The following ANO2 variants were observed in gnomAD, a reference collection of about 807,000 sequenced individuals.
ANO2 encodes the protein anoctamin-2.
Under a neutral mutation model 124.2 loss-of-function variants are expected in ANO2, and 101 were observed. That is an observed-to-expected ratio of 0.81 (90% CI 0.69 to 0.96). The LOEUF (loss-of-function observed/expected upper bound fraction) is 0.96, where lower values mean the gene tolerates loss of function less well. Among genes scored for constraint, ANO2 ranks in the 40% least tolerant of loss-of-function variants. ANO2 has a pLI of 0.00. For missense variants in ANO2, 1,293 were observed against 1,274.5 expected (o/e 1.01, Z -0.22); for synonymous variants, 486 against 482.5 (o/e 1.01, Z -0.09).
At chr12:5,737,275 AAACCCAGTCTTGGCC>A (rs1266867106) in intron 13 of ANO2, among the ~76,000 whole-genome samples, 12 of 152,252 alleles carry the variant, frequency 7.9e-5, no homozygotes, top group African/African-American at 2.7e-4. Flanking sequence ...GGCCCTGGGT[AAACCCAGTCTTGGCC>A]AGGCCCCTCT....
chr12:5,840,965 A>G (rs1954494637), intron 4 of ANO2, among the ~76,000 whole-genome samples: 1 of 152,152 alleles, frequency 6.6e-6, no homozygotes, highest in South Asian at 2.1e-4. Flanking sequence ...AAGCCGAACA[A>G]TAGGAAAGGG....
At chr12:5,610,424 T>C (rs1944454464) in intron 19 of ANO2, among the ~76,000 whole-genome samples, 1 of 127,956 alleles carries the variant, frequency 7.8e-6, no homozygotes, top group South Asian at 2.4e-4. Flanking sequence ...CATATATTTA[T>C]ACATAAATAT....
chr12:5,772,762 C>T (rs556795264), intron 10 of ANO2, among the ~76,000 whole-genome samples: 1 of 152,322 alleles, frequency 6.6e-6, no homozygotes, highest in South Asian at 2.1e-4. Flanking sequence ...GTGAACTTTA[C>T]AGTACAATAT....
chr12:5,899,692 T>C (rs1940048887), intron 3 of ANO2, among the ~76,000 whole-genome samples: 1 of 152,220 alleles, frequency 6.6e-6, no homozygotes, highest in African/African-American at 2.4e-5. Context: ...AAACCAGGGA[T>C]GCAAAGGTCC....
chr12:5,646,819 C>T (rs1181022576), intron 15 of ANO2, among the ~76,000 whole-genome samples: 1 of 152,154 alleles, frequency 6.6e-6, no homozygotes, highest in Non-Finnish European at 1.5e-5. Flanking sequence ...ATCTAAGTTT[C>T]CTTCACCTTT....
intron 23 of ANO2, among the ~76,000 whole-genome samples, chr12:5,569,052 T>C (rs759517): frequency 0.95 from 144,423 of 152,362 alleles, 68,886 homozygotes; most frequent in East Asian, 1. Context: ...AGCATGTAGA[T>C]CACGGCTTCC....
At chr12:5,637,607 A>T (rs969767353) in intron 15 of ANO2, among the ~76,000 whole-genome samples, 4 of 152,144 alleles carry the variant, frequency 2.6e-5, no homozygotes, top group African/African-American at 9.7e-5. Flanking sequence ...CGGAATCTCA[A>T]GCACAACTCC....
chr12:5,782,651 A>T (rs1487064111), intron 10 of ANO2, among the ~76,000 whole-genome samples: 1 of 152,198 alleles, frequency 6.6e-6, no homozygotes, highest in Admixed American at 6.5e-5. Flanking sequence ...AGATGTAGAC[A>T]TAGGAAATCT....
intron 14 of ANO2, among the ~76,000 whole-genome samples, chr12:5,727,635 C>CCT (rs1950491628): frequency 1.6e-5 from 1 of 64,222 alleles, no homozygotes. Context: ...TCACCACTTC[C>CCT]TTTTTTTTTT....
At chr12:5,738,787 A>G (rs1392730730) in intron 13 of ANO2, among the ~76,000 whole-genome samples, 1 of 152,300 alleles carries the variant, frequency 6.6e-6, no homozygotes, top group South Asian at 2.1e-4. Context: ...TGTCCAGAAC[A>G]CTGCTCTAGA....
chr12:5,808,100 G>A (rs992565054), intron 7 of ANO2, among the ~76,000 whole-genome samples: 1 of 152,220 alleles, frequency 6.6e-6, no homozygotes, highest in African/African-American at 2.4e-5. Context: ...TTCTCATGCA[G>A]TAAACATTGG....
intron 14 of ANO2, among the ~76,000 whole-genome samples, chr12:5,672,898 T>A (rs1948080300): frequency 6.6e-6 from 1 of 152,190 alleles, no homozygotes; most frequent in Non-Finnish European, 1.5e-5. Context: ...TAGTCTTATG[T>A]CTGGATTTTA....
intron 10 of ANO2, among the ~76,000 whole-genome samples, chr12:5,782,636 T>A (rs1438000712): frequency 6.6e-6 from 1 of 152,224 alleles, no homozygotes; most frequent in African/African-American, 2.4e-5. Flanking sequence ...TACTCCATCA[T>A]GGCCAGATGT....
intron 11 of ANO2, among the ~76,000 whole-genome samples, chr12:5,748,513 C>T (rs755900409): frequency 6.6e-5 from 10 of 152,282 alleles, no homozygotes; most frequent in Admixed American, 1.3e-4. Context: ...GAGTTCAACT[C>T]CCAGCACTGA....
intron 19 of ANO2, among the ~76,000 whole-genome samples, chr12:5,606,071 C>T (rs535682886): frequency 6.6e-6 from 1 of 152,278 alleles, no homozygotes; most frequent in Admixed American, 6.5e-5. Flanking sequence ...CATTTTACTG[C>T]CTCCCTTTGA....
chr12:5,854,236 G>C (rs976653548), intron 3 of ANO2, 95 bp from the exon 4 acceptor site: 1 of 1,117,370 alleles, frequency 8.9e-7, no homozygotes, highest in South Asian at 1.3e-5. Context: ...AGCCCAACCC[G>C]TTGTTCTTCA....
At chr12:5,733,721 G>A (rs1405121008) in intron 13 of ANO2, among the ~76,000 whole-genome samples, 6 of 152,206 alleles carry the variant, frequency 3.9e-5, no homozygotes, top group African/African-American at 1.4e-4. Context: ...TGCAGGCGGT[G>A]CCATTCTATC....
chr12:5,945,864 G>A (rs1943080057), upstream of ANO2, among the ~76,000 whole-genome samples: 1 of 148,828 alleles, frequency 6.7e-6, no homozygotes, highest in African/African-American at 2.6e-5. Context: ...AGGAGGAGGG[G>A]TCCATTTTAC....
In ANO2 at chr12:5,823,311, C is replaced by A. The variant is rs546004639; in HGVS notation, c.892+4458G>T. Among the ~76,000 whole-genome samples, 3 of 152,294 alleles carry A rather than the reference C, an allele frequency of 2.0e-5. No homozygotes were observed. In the South Asian group the frequency reaches 6.2e-4, roughly 32 times the overall value. ...AAGTCTCATCTGAGATAAGGCAAGT[C>A]CCTTCTGCCTATGAGCCTGTAAAAT... On this transcript the variant is annotated intron_variant, in intron 7 of 24. Transcript: ENST00000682330.
Sources: allele counts gnomAD v4.1 joint callset (sites outside exome capture counted in the v4.1 genomes callset), GRCh38; gene constraint gnomAD v4.1.1; transcripts MANE v1.5; gene names NCBI Gene and HGNC (gene_info 2026-07-23, HGNC 2026-07-21).